SYNE2: variants seen among roughly 807,000 people sequenced by gnomAD.
SYNE2 encodes nesprin-2.
In SYNE2, 431 loss-of-function variants were observed where a neutral mutation model predicts 856.3. The observed-to-expected ratio is 0.50, with a 90% CI of 0.47 to 0.55. SYNE2 has a LOEUF of 0.55. SYNE2 is among the 20% of genes least tolerant of loss of function. SYNE2 has a pLI of 0.00. For missense variants in SYNE2, 8,129 were observed against 8,023.2 expected, an observed-to-expected ratio of 1.01 and a Z score of -0.50; for synonymous variants, 2,923 against 2,872.3, an observed-to-expected ratio of 1.02 and a Z score of -0.56.
intron 48 of SYNE2, among the ~76,000 whole-genome samples, chr14:64,053,984 T>G (rs2097249344): frequency 6.6e-6 from 1 of 152,122 alleles, no homozygotes; most frequent in African/African-American, 2.4e-5. Context: ...AATAAATAAG[T>G]AAAATAAAAT....
chr14:63,962,831 G>A (rs1020014524), intron 9 of SYNE2, among the ~76,000 whole-genome samples: 2 of 152,160 alleles, frequency 1.3e-5, no homozygotes, highest in Non-Finnish European at 2.9e-5. Context: ...GAGCCACTGT[G>A]CCCAGCCTTG....
intron 6 of SYNE2, among the ~76,000 whole-genome samples, chr14:63,946,438 A>G (rs1454591477): frequency 1.3e-5 from 2 of 151,522 alleles, no homozygotes; most frequent in Non-Finnish European, 2.9e-5. Context: ...CAAAAAACAT[A>G]CACATACACA....
chr14:64,064,202 A>G (rs376859387), intron 50 of SYNE2, among the ~76,000 whole-genome samples: 3 of 152,204 alleles, frequency 2.0e-5, no homozygotes, highest in East Asian at 1.9e-4. Context: ...TTGGGCTACT[A>G]TTCATCTGGA....
Position 63,778,460 on chromosome 14 carries a change from T to C in SYNE2, c.-305+16474T>C, listed in dbSNP as rs150439664. Among the ~76,000 whole-genome samples the C allele has an allele frequency of 5.9e-5, 9 of 152,340 alleles. No homozygotes were observed. In the East Asian group the frequency reaches 1.7e-3, roughly 29 times the overall value. On this transcript the variant is annotated intron_variant, in intron 1 of 23. Transcript: ENST00000674003. ...ACTATATGCATATGTGAAAACATCA[T>C]GTTGTACACCATCAATATATACAAC...
rs761297781 is a variant in SYNE2 at position 64,219,308 on chromosome 14, C to G, written c.19758C>G (p.Ile6586Met). The G allele has an allele frequency of 6.2e-6, 10 of 1,613,872 alleles. No individual in the cohort carries two copies. In the South Asian group the frequency reaches 1.1e-4, roughly 18 times the overall value. Residue 6586 changes from isoleucine (I) to methionine (M), a missense_variant, in exon 110 of 116, where the codon ATC becomes ATG. Ile to Met is a conservative substitution (Grantham distance 10). Transcript: ENST00000555002. ...AGCTGAACTCTGATATCAGCGCCAT[C>G]ACTACTTGGCTGAAAAAAACTGAAG... ...LQQLNSDISA[I>M]TTWLKKTEAE...
At chr14:64,101,591 A>G (rs1455751736) in intron 63 of SYNE2, among the ~76,000 whole-genome samples, 2 of 152,148 alleles carry the variant, frequency 1.3e-5, no homozygotes, top group Admixed American at 1.3e-4. Flanking sequence ...TATGGGTGTG[A>G]GTCACAGTGC....
At chr14:64,134,795 G>C (rs1023354931) in intron 78 of SYNE2, among the ~76,000 whole-genome samples, 1 of 150,658 alleles carries the variant, frequency 6.6e-6, no homozygotes, top group Non-Finnish European at 1.5e-5. Context: ...TGGGCAAAAT[G>C]GTGAAACCCT....
intron 84 of SYNE2, among the ~76,000 whole-genome samples, chr14:64,149,991 C>CT (rs1359746537): frequency 2.4e-4 from 29 of 121,942 alleles, no homozygotes; most frequent in South Asian, 1.9e-3. Context: ...ATTGCCATGG[C>CT]TTTTTTTTTT....
At chr14:64,126,939 G>C in intron 73 of SYNE2, 132 bp downstream of exon 73, 1 of 1,047,974 alleles carries the variant, frequency 9.5e-7, no homozygotes. Context: ...TCTTCTGTTT[G>C]TTGCTCATGG....
chr14:64,192,861 A>G lies in SYNE2; in HGVS notation c.18038+2624A>G, dbSNP rs550914496. ...GCTGAGTGCTAATCCCTTCAGCACT[A>G]AGGAATTTGGGAGGGAATCATTTTT... On this transcript the variant is annotated intron_variant, in intron 99 of 115. Coordinates refer to ENST00000555002, the MANE Select transcript of SYNE2 (RefSeq NM_182914.3). Among the ~76,000 whole-genome samples, 11 of 152,280 alleles carry G rather than the reference A, an allele frequency of 7.2e-5. No individual in the cohort carries two copies. In the South Asian group the frequency reaches 2.3e-3, roughly 32 times the overall value.
intron 103 of SYNE2, among the ~76,000 whole-genome samples, chr14:64,211,598 G>C (rs996480309): frequency 2.6e-5 from 4 of 152,238 alleles, no homozygotes; most frequent in African/African-American, 7.2e-5. Flanking sequence ...GGCCTGGCCT[G>C]GCCCCTCAGG....
chr14:63,993,604 A>G lies in SYNE2; in HGVS notation c.2647-231A>G, dbSNP rs1312793425. ...TAATCTGGGCCTTATGTGTAACTAC[A>G]TTTGAATAATAAATATTTTGGCACT... On this transcript the variant is annotated intron_variant, in intron 21 of 115. Coordinates refer to ENST00000555002, the MANE Select transcript of SYNE2 (RefSeq NM_182914.3). 2.0e-5 allele frequency among the ~76,000 whole-genome samples: 3 copies of G among 152,210 alleles called. No individual in the cohort carries two copies. In the East Asian group the frequency reaches 5.8e-4, roughly 29 times the overall value.
chr14:64,115,519 C>G (rs1247946260), intron 66 of SYNE2, among the ~76,000 whole-genome samples: 1 of 152,042 alleles, frequency 6.6e-6, no homozygotes, highest in Non-Finnish European at 1.5e-5. Context: ...TTTTATAGCC[C>G]AGGGTTAGTC....
Position 63,993,929 on chromosome 14 carries a change from C to T in SYNE2, c.2741C>T (p.Ser914Phe). 1 of 1,613,332 alleles carries T rather than the reference C, an allele frequency of 6.2e-7. No individual in the cohort carries two copies. Among genetic ancestry groups the T allele is most frequent in the Non-Finnish European group, 8.5e-7 (1 of 1,179,640 alleles). ...AATGTAACTGAGGACATAAAGATGT[C>T]TTTAGAAGAAAAGAGTAGAGATGTC... ...KNNVTEDIKM[S>F]LEEKSRDVCA... The change falls in exon 22 of 116, where the codon TCT (serine) becomes TTT (phenylalanine). Residue 914 changes from serine (S) to phenylalanine (F), a missense_variant. By Grantham distance (155) the Ser-to-Phe change is radical. Coordinates refer to ENST00000555002, the MANE Select transcript of SYNE2 (RefSeq NM_182914.3).
At chr14:63,809,525 G>A (rs1179480561) in intron 1 of SYNE2, among the ~76,000 whole-genome samples, 5 of 152,194 alleles carry the variant, frequency 3.3e-5, no homozygotes, top group Admixed American at 6.5e-5. Flanking sequence ...TACCAAGGCT[G>A]CTGGAGTGCG....
At chr14:64,136,289 CAAAAAAAAAAAA>C (rs34694248) in intron 78 of SYNE2, among the ~76,000 whole-genome samples, 1 of 62,058 alleles carries the variant, frequency 1.6e-5, no homozygotes, top group Non-Finnish European at 3.5e-5. Flanking sequence ...GACTTCATCT[CAAAAAAAAAAAA>C]AAAAAAAAAA....
intron 34 of SYNE2, among the ~76,000 whole-genome samples, 160 bp downstream of exon 34, chr14:64,017,916 C>G (rs2096905786): frequency 6.6e-6 from 1 of 152,118 alleles, no homozygotes; most frequent in Non-Finnish European, 1.5e-5. Context: ...GAATCTATTA[C>G]CCTTACCAAT....
chr14:64,098,198 T>C (rs764511702), intron 62 of SYNE2, 52 bp downstream of exon 62: 5 of 1,590,018 alleles, frequency 3.1e-6, no homozygotes. Flanking sequence ...AGAGCATTAA[T>C]GGGTAGTGTT....
chr14:63,855,565 T>C (rs570988359), intron 1 of SYNE2, among the ~76,000 whole-genome samples: 3 of 152,322 alleles, frequency 2.0e-5, no homozygotes, highest in African/African-American at 7.2e-5. Context: ...ATATCTCTAA[T>C]GGCTCTTGTT....
Sources: gnomAD v4.1 joint callset for allele counts (sites outside exome capture counted in the v4.1 genomes callset) on GRCh38, gnomAD v4.1.1 for gene constraint, MANE v1.5 for transcripts, NCBI Gene and HGNC (gene_info 2026-07-23, HGNC 2026-07-21) for gene names.